The following MFHAS1 variants were observed in gnomAD, a reference collection of about 807,000 sequenced individuals.
MFHAS1 encodes the protein multifunctional ROCO family signaling regulator 1, also known as malignant fibrous histiocytoma-amplified sequence 1.
Under a neutral mutation model 70.4 loss-of-function variants are expected in MFHAS1, and 50 were observed. That is an observed-to-expected ratio of 0.71 (90% CI 0.57 to 0.90). The LOEUF (loss-of-function observed/expected upper bound fraction) is 0.90, where lower values mean the gene tolerates loss of function less well. Among genes scored for constraint, MFHAS1 ranks in the 40% least tolerant of loss-of-function variants. The probability of loss-of-function intolerance (pLI) is 0.00; values close to 1 mark genes in which losing one functional copy is unlikely to be tolerated. For missense variants in MFHAS1, 1,795 were observed against 1,347.6 expected (o/e 1.33, Z -5.20); for synonymous variants, 952 against 620.0 (o/e 1.54, Z -7.96).
intron 1 of MFHAS1, among the ~76,000 whole-genome samples, chr8:8,870,889 C>T (rs1016033255): frequency 5.3e-5 from 8 of 152,194 alleles, no homozygotes; most frequent in Admixed American, 5.2e-4. Flanking sequence ...ATGTTAAAAG[C>T]AACCATGTGC....
Position 8,817,591 on chromosome 8 carries a change from A to G in MFHAS1, c.2999-20100T>C, listed in dbSNP as rs900484344. ...CCCTGGACTCCATCCCAGCCCGCAG[A>G]TGGGGGGGCTCTCGCCCCTCCTGTT... On this transcript the variant is annotated intron_variant, in intron 1 of 2. Transcript: ENST00000276282. Among the ~76,000 whole-genome samples, 2 of 152,210 alleles carry G rather than the reference A, an allele frequency of 1.3e-5. 1 individual carries two copies. The highest frequency in any genetic ancestry group is 4.1e-4 in the South Asian group (2 of 4,836).
At chr8:8,786,739 A>G (rs1390710778) in intron 2 of MFHAS1, among the ~76,000 whole-genome samples, 1 of 151,986 alleles carries the variant, frequency 6.6e-6, no homozygotes, top group Non-Finnish European at 1.5e-5. Context: ...AAAATATACA[A>G]AGACATTGAA....
chr8:8,888,609 T>C (rs1457421132), intron 1 of MFHAS1, among the ~76,000 whole-genome samples: 1 of 152,194 alleles, frequency 6.6e-6, no homozygotes, highest in African/African-American at 2.4e-5. Context: ...ACTAGTTTGA[T>C]ACCAATTAAC....
At chr8:8,844,072 A>T (rs1488460783) in intron 1 of MFHAS1, among the ~76,000 whole-genome samples, 1 of 152,232 alleles carries the variant, frequency 6.6e-6, no homozygotes, top group Non-Finnish European at 1.5e-5. Flanking sequence ...GAAAAGAATG[A>T]CAGATGGAGA....
At chr8:8,793,589 A>G (rs546906896) in intron 2 of MFHAS1, among the ~76,000 whole-genome samples, 28 of 152,286 alleles carry the variant, frequency 1.8e-4, no homozygotes, top group African/African-American at 5.3e-4. Context: ...ATCACTCTCA[A>G]TCCTCTCCTG....
At chr8:8,844,345 C>A (rs977157092) in intron 1 of MFHAS1, among the ~76,000 whole-genome samples, 1 of 152,192 alleles carries the variant, frequency 6.6e-6, no homozygotes, top group Non-Finnish European at 1.5e-5. Flanking sequence ...CAGATGCAGG[C>A]TTCAAATGTG....
intron 1 of MFHAS1, among the ~76,000 whole-genome samples, chr8:8,813,491 T>G (rs925569231): frequency 6.6e-6 from 1 of 152,144 alleles, no homozygotes; most frequent in Non-Finnish European, 1.5e-5. Flanking sequence ...GATGTGGAGG[T>G]AGAAGACAGT....
intron 1 of MFHAS1, among the ~76,000 whole-genome samples, chr8:8,859,478 G>A (rs577988171): frequency 1.3e-5 from 2 of 152,326 alleles, no homozygotes; most frequent in Non-Finnish European, 2.9e-5. Context: ...CAACACGGGT[G>A]TGAACTGTGC....
intron 1 of MFHAS1, among the ~76,000 whole-genome samples, chr8:8,812,209 T>C (rs911361851): frequency 2.0e-5 from 3 of 152,146 alleles, no homozygotes; most frequent in Non-Finnish European, 2.9e-5. Flanking sequence ...TGAATCGTAG[T>C]TGCAAATGGC....
At chr8:8,811,990 A>C (rs1050181909) in intron 1 of MFHAS1, among the ~76,000 whole-genome samples, 1 of 151,804 alleles carries the variant, frequency 6.6e-6, no homozygotes, top group African/African-American at 2.4e-5. Context: ...CAAACAAAAA[A>C]CCCCAAAACC....
chr8:8,839,432 C>G (rs149606891), intron 1 of MFHAS1, among the ~76,000 whole-genome samples: 28 of 152,232 alleles, frequency 1.8e-4, no homozygotes, highest in African/African-American at 5.5e-4. Context: ...TCCTTTTAAC[C>G]AGATGGCCCC....
intron 1 of MFHAS1, among the ~76,000 whole-genome samples, chr8:8,844,970 A>G (rs1807973924): frequency 6.6e-6 from 1 of 152,256 alleles, no homozygotes; most frequent in Non-Finnish European, 1.5e-5. Context: ...AACAAGAGCA[A>G]CAAAAGAAGA....
chr8:8,853,899 A>C (rs1808336706), intron 1 of MFHAS1, among the ~76,000 whole-genome samples: 1 of 152,334 alleles, frequency 6.6e-6, no homozygotes, highest in South Asian at 2.1e-4. Context: ...GTTGTAGGTT[A>C]AATGGTCCAT....
intron 1 of MFHAS1, among the ~76,000 whole-genome samples, chr8:8,858,415 A>G (rs1313467106): frequency 6.6e-6 from 1 of 152,128 alleles, no homozygotes. Flanking sequence ...TTAATATTTA[A>G]AATTATATTA....
At position 8,892,210 on chromosome 8, in the gene MFHAS1, G is replaced by A; in HGVS notation, c.849C>T (p.Asn283=). The change falls in exon 1 of 3, where the codon AAC becomes AAT. Residue 283 remains asparagine (N), a synonymous_variant. Transcript: ENST00000276282. The surrounding 1 kb of genome is among the most constrained non-coding windows in gnomAD (Gnocchi z 4.7). ...QRLKMLNLSS[N]LFEEFPAALL... ...GCGCGGCAGGGAACTCCTCGAAGAG[G>A]TTGGAGGAGAGGTTGAGCATTTTGA... is the stretch of plus-strand genomic sequence containing the variant. 1 of 1,610,558 alleles carries A rather than the reference G, an allele frequency of 6.2e-7. No homozygotes were observed. Among genetic ancestry groups the A allele is most frequent in the Non-Finnish European group, 8.5e-7 (1 of 1,180,012 alleles).
rs761737201 is a variant in MFHAS1 at position 8,890,451 on chromosome 8, G to C, written c.2608C>G (p.Leu870Val). 1.2e-6 allele frequency: 2 copies of C among 1,613,900 alleles called. No homozygotes were observed. Among genetic ancestry groups the C allele is most frequent in the Non-Finnish European group, 1.7e-6 (2 of 1,180,030 alleles). ...TCAGCCACAAAAGACTGCCCAGCTA[G>C]GTTGGTCCCATTAATCCAGGCTTCT... Reference protein sequence around the residue: ...HAEAWINGTNLAGQSFVAEQL... With the variant: ...HAEAWINGTNVAGQSFVAEQL... Residue 870 changes from leucine to valine, a missense_variant, in exon 1 of 3, where the codon CTA (leucine) becomes GTA (valine). Coordinates refer to ENST00000276282, the MANE Select transcript of MFHAS1 (RefSeq NM_004225.3).
chr8:8,858,562 T>C (rs369032752), intron 1 of MFHAS1, among the ~76,000 whole-genome samples: 1 of 152,156 alleles, frequency 6.6e-6, no homozygotes, highest in Non-Finnish European at 1.5e-5. Context: ...ATTAAAAATA[T>C]GCCTTTTGGG....
chr8:8,873,600 G>A (rs959873701), intron 1 of MFHAS1, among the ~76,000 whole-genome samples: 10 of 151,454 alleles, frequency 6.6e-5, no homozygotes, highest in African/African-American at 2.2e-4. Context: ...ATTCCCACTT[G>A]GTATGAGGAT....
intron 1 of MFHAS1, among the ~76,000 whole-genome samples, chr8:8,840,657 G>C (rs1177303993): frequency 1.3e-5 from 2 of 152,078 alleles, no homozygotes; most frequent in Non-Finnish European, 2.9e-5. Context: ...TTTTAAGATG[G>C]ATGATCACTT....
Sources: allele counts gnomAD v4.1 joint callset (sites outside exome capture counted in the v4.1 genomes callset), GRCh38; gene constraint gnomAD v4.1.1; non-coding constraint Gnocchi (gnomAD v3.1); transcripts MANE v1.5; gene names NCBI Gene and HGNC (gene_info 2026-07-23, HGNC 2026-07-21).